Variants in NLGN1 observed in about 807,000 individuals in gnomAD.
NLGN1 encodes the protein neuroligin-1.
NLGN1 carries 12 observed loss-of-function variants against 65.5 expected under a neutral mutation model. That is an observed-to-expected ratio of 0.18 (90% confidence interval 0.12 to 0.30). The LOEUF (loss-of-function observed/expected upper bound fraction) is 0.30. Among genes scored for constraint, NLGN1 ranks in the 10% least tolerant of loss-of-function variants. The pLI is 1.00. For synonymous variants in NLGN1, 350 were observed against 359.5 expected, an observed-to-expected ratio of 0.97 and a Z score of 0.30; for missense variants, 750 against 1,007.1, an observed-to-expected ratio of 0.74 and a Z score of 3.46.
intron 3 of NLGN1, among the ~76,000 whole-genome samples, chr3:173,649,267 A>G (rs1003215048): frequency 6.6e-6 from 1 of 152,102 alleles, no homozygotes; most frequent in Non-Finnish European, 1.5e-5. Flanking sequence ...TCCAAAGAAT[A>G]TAAGAACACT....
intron 3 of NLGN1, among the ~76,000 whole-genome samples, chr3:173,715,885 T>G (rs1428929775): frequency 9.2e-6 from 1 of 109,222 alleles, no homozygotes; most frequent in African/African-American, 2.7e-5. Context: ...TTTCAGAGTT[T>G]TGAAAAAAAA....
intron 3 of NLGN1, among the ~76,000 whole-genome samples, chr3:173,701,953 T>C (rs925451804): frequency 1.3e-5 from 2 of 152,004 alleles, no homozygotes; most frequent in African/African-American, 4.8e-5. Context: ...TTAAGAAGAG[T>C]TTTCGGCCGG....
intron 4 of NLGN1, among the ~76,000 whole-genome samples, chr3:173,918,698 G>A (rs976623938): frequency 3.9e-5 from 4 of 102,546 alleles, no homozygotes; most frequent in African/African-American, 1.2e-4. Context: ...GTGTGTGTGT[G>A]TGTGTATATA....
intron 3 of NLGN1, among the ~76,000 whole-genome samples, chr3:173,716,531 C>T (rs1011188486): frequency 6.6e-6 from 1 of 152,096 alleles, no homozygotes; most frequent in African/African-American, 2.4e-5. Flanking sequence ...GATTGCACCC[C>T]TTTGGAGCTC....
chr3:173,609,802 A>G (rs1310586154), intron 3 of NLGN1, among the ~76,000 whole-genome samples: 4 of 151,960 alleles, frequency 2.6e-5, no homozygotes, highest in Non-Finnish European at 5.9e-5. Flanking sequence ...AAGGTGTGAG[A>G]GGGTGAGAAA....
chr3:174,181,846 T>G (rs563430735), intron 4 of NLGN1, among the ~76,000 whole-genome samples: 27 of 150,146 alleles, frequency 1.8e-4, no homozygotes, highest in Non-Finnish European at 3.6e-4. Flanking sequence ...CATGGCGGCA[T>G]GTGCCTGTAG....
At chr3:173,881,219 C>G (rs1733191938) in intron 4 of NLGN1, among the ~76,000 whole-genome samples, 1 of 150,830 alleles carries the variant, frequency 6.6e-6, no homozygotes, top group African/African-American at 2.4e-5. Flanking sequence ...CTGCCTCAGC[C>G]CCCAGAGTAG....
intron 2 of NLGN1, among the ~76,000 whole-genome samples, chr3:173,519,641 A>G (rs1433922403): frequency 1.3e-5 from 2 of 151,374 alleles, no homozygotes; most frequent in African/African-American, 2.4e-5. Flanking sequence ...CTTTTTGCCA[A>G]TTTCTCTCTT....
At chr3:173,526,317 C>G (rs1033728304) in intron 2 of NLGN1, among the ~76,000 whole-genome samples, 4 of 148,372 alleles carry the variant, frequency 2.7e-5, no homozygotes, top group African/African-American at 7.9e-5. Flanking sequence ...TATATAATGC[C>G]TTTCCTTGTC....
intron 1 of NLGN1, among the ~76,000 whole-genome samples, chr3:173,405,977 G>T (rs996093718): frequency 6.6e-6 from 1 of 152,020 alleles, no homozygotes; most frequent in Non-Finnish European, 1.5e-5. Context: ...ACATAATAGT[G>T]GAGGGATGTA....
At chr3:173,505,829 A>G (rs1282860555) in intron 2 of NLGN1, among the ~76,000 whole-genome samples, 1 of 152,044 alleles carries the variant, frequency 6.6e-6, no homozygotes, top group Non-Finnish European at 1.5e-5. Context: ...AGTCTTTCTC[A>G]TCTGCTATAA....
At chr3:173,504,225 G>A (rs1453832872) in intron 2 of NLGN1, among the ~76,000 whole-genome samples, 1 of 152,090 alleles carries the variant, frequency 6.6e-6, no homozygotes, top group African/African-American at 2.4e-5. Context: ...CAGGCTATAG[G>A]TAATGCTGGT....
intron 4 of NLGN1, among the ~76,000 whole-genome samples, chr3:174,024,421 C>T (rs925500315): frequency 6.6e-6 from 1 of 151,868 alleles, no homozygotes; most frequent in Non-Finnish European, 1.5e-5. Flanking sequence ...TCTGCTATGT[C>T]GAATCAATTA....
chr3:173,746,313 T>TG (rs1392135077), intron 3 of NLGN1, among the ~76,000 whole-genome samples: 1 of 152,126 alleles, frequency 6.6e-6, no homozygotes, highest in East Asian at 1.9e-4. Flanking sequence ...TCTCATTTTA[T>TG]GGGTATCCCC....
At chr3:173,542,135 TA>T (rs1336341191) in intron 2 of NLGN1, among the ~76,000 whole-genome samples, 1 of 152,026 alleles carries the variant, frequency 6.6e-6, no homozygotes, top group Non-Finnish European at 1.5e-5. Context: ...TGGTTTATTT[TA>T]AAATTATTTT....
chr3:173,864,972 G>A (rs1407853515), intron 4 of NLGN1, among the ~76,000 whole-genome samples: 5 of 152,130 alleles, frequency 3.3e-5, no homozygotes, highest in African/African-American at 7.2e-5. Context: ...AATTTCTGCT[G>A]GGAATATAAC....
At chr3:174,190,745 T>A (rs1732243661) in intron 4 of NLGN1, among the ~76,000 whole-genome samples, 1 of 152,156 alleles carries the variant, frequency 6.6e-6, no homozygotes, top group Admixed American at 6.6e-5. Flanking sequence ...TAGCTGTATA[T>A]AACTTAACTG....
Position 173,965,478 on chromosome 3 carries a change from C to T in NLGN1, c.646+157646C>T, listed in dbSNP as rs577404901. ...GATTACAGGCGTGTGCCACCAGGCC[C>T]GGCTTTTTTTTTTTTTTTTAAGTAG... On this transcript the variant is annotated intron_variant, in intron 4 of 6. Transcript: ENST00000457714. 2.6e-3 allele frequency among the ~76,000 whole-genome samples: 380 copies of T among 147,494 alleles called. 1 individual carries two copies. Among genetic ancestry groups the T allele is most frequent in the African/African-American group, 9.1e-3 (361 of 39,728 alleles).
chr3:174,284,169 A>G (rs558172133), exon 7 of NLGN1: 13 of 151,422 alleles, frequency 8.6e-5, no homozygotes, highest in African/African-American at 3.1e-4. Context: ...GAATAACTTT[A>G]TGGAAGATAA....
Sources: gnomAD v4.1 joint callset for allele counts (sites outside exome capture counted in the v4.1 genomes callset) on GRCh38, gnomAD v4.1.1 for gene constraint, MANE v1.5 for transcripts, NCBI Gene and HGNC (gene_info 2026-07-23, HGNC 2026-07-21) for gene names.